The following CTNNA2 variants were observed in gnomAD, a reference collection of about 807,000 sequenced individuals.
CTNNA2 encodes the protein catenin alpha-2.
Under a neutral mutation model 101.0 loss-of-function variants are expected in CTNNA2, and 42 were observed. That is an observed-to-expected ratio of 0.42 (90% confidence interval 0.32 to 0.54). The LOEUF (loss-of-function observed/expected upper bound fraction) is 0.54. CTNNA2 is among the 20% of genes least tolerant of loss of function. CTNNA2 has a pLI of 0.14. For missense variants in CTNNA2, 871 were observed against 1,223.1 expected (o/e 0.71, Z 4.29); for synonymous variants, 450 against 456.4 (o/e 0.99, Z 0.18).
intron 2 of CTNNA2, among the ~76,000 whole-genome samples, chr2:79,727,869 T>C (rs1287282302): frequency 6.6e-6 from 1 of 151,952 alleles, no homozygotes; most frequent in Non-Finnish European, 1.5e-5. Context: ...TGAATGATGA[T>C]TTCCAGTTTC....
intron 7 of CTNNA2, among the ~76,000 whole-genome samples, chr2:80,051,667 G>A (rs914584188): frequency 2.0e-5 from 3 of 152,100 alleles, no homozygotes; most frequent in African/African-American, 7.2e-5. Flanking sequence ...GCAGTGAAGG[G>A]AGTTGATAGG....
At chr2:80,481,144 C>A (rs1407207363) in intron 9 of CTNNA2, among the ~76,000 whole-genome samples, 7 of 152,090 alleles carry the variant, frequency 4.6e-5, no homozygotes, top group East Asian at 3.9e-4. Flanking sequence ...ATGCCAGAAA[C>A]CTGCAAGAAT....
chr2:80,560,947 T>A (rs1693533599), intron 12 of CTNNA2, among the ~76,000 whole-genome samples: 1 of 151,816 alleles, frequency 6.6e-6, no homozygotes. Flanking sequence ...ACACTTTGTC[T>A]TTTTTTTCTG....
At chr2:80,114,311 T>C (rs1573120376) in intron 7 of CTNNA2, among the ~76,000 whole-genome samples, 2 of 152,362 alleles carry the variant, frequency 1.3e-5, no homozygotes, top group Admixed American at 1.3e-4. Context: ...CAGAGTTTTA[T>C]TCAAATACAT....
At chr2:79,749,768 AATT>A (rs1451961757) in intron 3 of CTNNA2, among the ~76,000 whole-genome samples, 1 of 152,208 alleles carries the variant, frequency 6.6e-6, no homozygotes, top group African/African-American at 2.4e-5. Context: ...TTACAAATAC[AATT>A]ATTGTGTCTA....
At chr2:79,269,611 C>T (rs1278420688) in intron 2 of CTNNA2, among the ~76,000 whole-genome samples, 1 of 152,116 alleles carries the variant, frequency 6.6e-6, no homozygotes, top group African/African-American at 2.4e-5. Context: ...AACTTTTTAC[C>T]TCTTTCTTCA....
intron 7 of CTNNA2, among the ~76,000 whole-genome samples, chr2:80,213,105 T>C (rs1388491569): frequency 6.6e-6 from 1 of 152,176 alleles, no homozygotes; most frequent in African/African-American, 2.4e-5. Flanking sequence ...CTTCTCTCTT[T>C]TCTTCTTTAT....
chr2:80,546,573 C>T (rs184308653), intron 11 of CTNNA2, among the ~76,000 whole-genome samples: 2 of 152,280 alleles, frequency 1.3e-5, no homozygotes, highest in East Asian at 3.9e-4. Flanking sequence ...AGGCTTTGAG[C>T]ACTTGTCTAT....
chr2:80,212,430 G>T (rs940737172), intron 7 of CTNNA2, among the ~76,000 whole-genome samples: 36 of 147,706 alleles, frequency 2.4e-4, no homozygotes, highest in Admixed American at 4.7e-4. Flanking sequence ...AGCATGAAGG[G>T]CTGTTGAATT....
intron 2 of CTNNA2, among the ~76,000 whole-genome samples, chr2:79,708,528 T>G (rs1162722279): frequency 6.6e-6 from 1 of 152,164 alleles, no homozygotes; most frequent in Admixed American, 6.5e-5. Flanking sequence ...AAATAAACAT[T>G]CAAAATGGTT....
At chr2:79,958,775 A>T (rs1558675698) in intron 7 of CTNNA2, among the ~76,000 whole-genome samples, 2 of 150,842 alleles carry the variant, frequency 1.3e-5, no homozygotes, top group African/African-American at 2.4e-5. Context: ...CATTGATCTC[A>T]TTTTTTTTTC....
intron 18 of CTNNA2, among the ~76,000 whole-genome samples, chr2:80,638,621 C>A (rs964950584): frequency 1.8e-4 from 28 of 152,060 alleles, no homozygotes; most frequent in African/African-American, 6.8e-4. Flanking sequence ...TCGGGTTGAG[C>A]AAAAACTGTT....
At chr2:80,517,098 G>A (rs1303220106) in intron 9 of CTNNA2, among the ~76,000 whole-genome samples, 3 of 152,158 alleles carry the variant, frequency 2.0e-5, no homozygotes, top group Non-Finnish European at 2.9e-5. Flanking sequence ...AGATGGATGG[G>A]AACATTTGTT....
At chr2:79,609,404 A>G (rs1412719962) in intron 1 of CTNNA2, among the ~76,000 whole-genome samples, 1 of 152,040 alleles carries the variant, frequency 6.6e-6, no homozygotes, top group Non-Finnish European at 1.5e-5. Context: ...ATGCAATCTC[A>G]ATCAAAATTC....
At chr2:79,676,828 A>G (rs776225568) in intron 2 of CTNNA2, among the ~76,000 whole-genome samples, 1 of 152,220 alleles carries the variant, frequency 6.6e-6, no homozygotes, top group Non-Finnish European at 1.5e-5. Context: ...TTATAAATAC[A>G]TCAGCTATCT....
At chr2:80,208,365 G>A (rs1197122256) in intron 7 of CTNNA2, among the ~76,000 whole-genome samples, 1 of 152,174 alleles carries the variant, frequency 6.6e-6, no homozygotes, top group Non-Finnish European at 1.5e-5. Flanking sequence ...AGATAGATAA[G>A]ACAGATAAAT....
chr2:80,543,319 C>G (rs1047068992), intron 9 of CTNNA2, among the ~76,000 whole-genome samples: 3 of 152,178 alleles, frequency 2.0e-5, no homozygotes, highest in African/African-American at 7.2e-5. Context: ...TAAGAACCTT[C>G]CTGCCCATGG....
chr2:79,749,657 T>C (rs1230508417), intron 3 of CTNNA2, among the ~76,000 whole-genome samples: 1 of 152,218 alleles, frequency 6.6e-6, no homozygotes, highest in Admixed American at 6.5e-5. Flanking sequence ...CAGGAAAGCA[T>C]TGGCAGTTTG....
At chr2:80,485,329 T>C (rs1686486338) in intron 9 of CTNNA2, among the ~76,000 whole-genome samples, 1 of 152,208 alleles carries the variant, frequency 6.6e-6, no homozygotes, top group African/African-American at 2.4e-5. Flanking sequence ...CCTTTACTCT[T>C]ACATTGACTA....
Sources: allele counts gnomAD v4.1 joint callset (sites outside exome capture counted in the v4.1 genomes callset), GRCh38; gene constraint gnomAD v4.1.1; transcripts MANE v1.5; gene names NCBI Gene and HGNC (gene_info 2026-07-23, HGNC 2026-07-21).